KCTD16: variants seen among roughly 807,000 people sequenced by gnomAD.
KCTD16 encodes BTB/POZ domain-containing protein KCTD16.
KCTD16 carries 13 observed loss-of-function variants against 33.2 expected under a neutral mutation model. The ratio of observed to expected loss-of-function variants is 0.39; its 90% CI spans 0.25 to 0.62. The LOEUF is 0.62. Among genes scored for constraint, KCTD16 ranks in the 20% least tolerant of loss-of-function variants. The pLI is 0.50. For synonymous variants in KCTD16, 197 were observed against 195.3 expected (o/e 1.01, Z -0.07); for missense variants, 441 against 525.1 (o/e 0.84, Z 1.57).
chr5:144,346,018 T>A (rs1438248053), intron 3 of KCTD16, among the ~76,000 whole-genome samples: 1 of 151,530 alleles, frequency 6.6e-6, no homozygotes, highest in Non-Finnish European at 1.5e-5. Flanking sequence ...TTACCCTTCC[T>A]AGCCTCTGGA....
At chr5:144,181,864 C>T (rs1351741046) in intron 2 of KCTD16, among the ~76,000 whole-genome samples, 1 of 152,060 alleles carries the variant, frequency 6.6e-6, no homozygotes, top group Non-Finnish European at 1.5e-5. Flanking sequence ...GAGACTGAGG[C>T]AGGTGGATCA....
chr5:144,452,574 T>C (rs1049812754), intron 3 of KCTD16, among the ~76,000 whole-genome samples: 1 of 151,858 alleles, frequency 6.6e-6, no homozygotes, highest in African/African-American at 2.4e-5. Flanking sequence ...TTTAAAAATA[T>C]GGACGGGAAA....
intron 2 of KCTD16, among the ~76,000 whole-genome samples, chr5:144,191,822 ATT>A (rs5871869): frequency 0.07 from 10,270 of 147,478 alleles, 859 homozygotes; most frequent in African/African-American, 0.2. Flanking sequence ...GCGTATTTCC[ATT>A]TTTTTTTTTT....
At chr5:144,339,771 A>T (rs1267882923) in intron 3 of KCTD16, among the ~76,000 whole-genome samples, 1 of 151,916 alleles carries the variant, frequency 6.6e-6, no homozygotes, top group Admixed American at 6.6e-5. Context: ...TGTTGTATGA[A>T]TGTCTATATG....
Position 144,313,834 on chromosome 5 carries a change from G to C in KCTD16, c.832+106288G>C, listed in dbSNP as rs1580865606. ...GGTGTTATCAGTATTAACAATACTA[G>C]TATTAGTAGTAGTAATAGTACTTAT... On this transcript the variant is annotated intron_variant, in intron 3 of 3. Coordinates refer to ENST00000512467, the MANE Select transcript of KCTD16 (RefSeq NM_020768.4). Among the ~76,000 whole-genome samples the C allele has an allele frequency of 1.3e-5, 2 of 152,258 alleles. 1 individual carries two copies. The highest frequency in any genetic ancestry group is 1.3e-4 in the Admixed American group (2 of 15,276).
chr5:144,222,300 A>G (rs1580800155), intron 3 of KCTD16, among the ~76,000 whole-genome samples: 1 of 152,188 alleles, frequency 6.6e-6, no homozygotes. Flanking sequence ...TAATGGGCAA[A>G]TACATTTCTA....
chr5:144,402,521 C>G (rs1223042206), intron 3 of KCTD16, among the ~76,000 whole-genome samples: 2 of 152,104 alleles, frequency 1.3e-5, no homozygotes, highest in African/African-American at 4.8e-5. Flanking sequence ...GGTTCTGACT[C>G]CACTGCTTAC....
At chr5:144,327,792 A>G (rs778144536) in intron 3 of KCTD16, among the ~76,000 whole-genome samples, 4 of 152,298 alleles carry the variant, frequency 2.6e-5, no homozygotes, top group Middle Eastern at 3.4e-3. Context: ...CAGCTATCTA[A>G]TAATTCCATT....
chr5:144,345,722 T>C (rs1011260512), intron 3 of KCTD16, among the ~76,000 whole-genome samples: 1 of 152,046 alleles, frequency 6.6e-6, no homozygotes, highest in Non-Finnish European at 1.5e-5. Context: ...TTTATTTTTG[T>C]GGGTACATAG....
chr5:144,342,582 C>T (rs1374456495), intron 3 of KCTD16, among the ~76,000 whole-genome samples: 1 of 152,164 alleles, frequency 6.6e-6, no homozygotes, highest in Non-Finnish European at 1.5e-5. Flanking sequence ...CCTTCTCCTG[C>T]CTGATTGCCC....
chr5:144,184,047 C>G (rs1020039285), intron 2 of KCTD16, among the ~76,000 whole-genome samples: 1 of 152,060 alleles, frequency 6.6e-6, no homozygotes, highest in Admixed American at 6.5e-5. Flanking sequence ...TACTGTGATG[C>G]CTACAGAACT....
chr5:144,360,641 A>C (rs1356730456), intron 3 of KCTD16, among the ~76,000 whole-genome samples: 7 of 152,214 alleles, frequency 4.6e-5, no homozygotes, highest in Non-Finnish European at 7.4e-5. Flanking sequence ...CATATTGGCC[A>C]GGCTGCTCTC....
At chr5:144,411,924 A>G (rs903419725) in intron 3 of KCTD16, among the ~76,000 whole-genome samples, 1 of 152,202 alleles carries the variant, frequency 6.6e-6, no homozygotes, top group African/African-American at 2.4e-5. Flanking sequence ...TATATAAAAA[A>G]ATTGCCAAAT....
At chr5:144,287,965 G>T (rs1221200184) in intron 3 of KCTD16, among the ~76,000 whole-genome samples, 1 of 152,058 alleles carries the variant, frequency 6.6e-6, no homozygotes, top group Non-Finnish European at 1.5e-5. Flanking sequence ...CCTTTACAGT[G>T]ATTTACAAAC....
intron 3 of KCTD16, among the ~76,000 whole-genome samples, chr5:144,274,821 A>G (rs1755397881): frequency 6.6e-6 from 1 of 152,138 alleles, no homozygotes; most frequent in Non-Finnish European, 1.5e-5. Flanking sequence ...TATCAGTTCT[A>G]TCTTTAAGGC....
intron 3 of KCTD16, among the ~76,000 whole-genome samples, chr5:144,379,715 C>A (rs1193290613): frequency 6.6e-6 from 1 of 152,074 alleles, no homozygotes; most frequent in Non-Finnish European, 1.5e-5. Flanking sequence ...TGCAAACACA[C>A]CAAATAAGAT....
chr5:144,418,679 C>A (rs1164645284), intron 3 of KCTD16, among the ~76,000 whole-genome samples: 1 of 152,184 alleles, frequency 6.6e-6, no homozygotes, highest in Non-Finnish European at 1.5e-5. Flanking sequence ...CCAATCCTGG[C>A]AGAAACACAG....
chr5:144,176,435 G>T (rs6894198), intron 2 of KCTD16, among the ~76,000 whole-genome samples: 21,089 of 128,188 alleles, frequency 0.16, 1,764 homozygotes, highest in Admixed American at 0.3. Flanking sequence ...TCGCTCTGTC[G>T]CCCAGGCCGG....
intron 3 of KCTD16, among the ~76,000 whole-genome samples, chr5:144,445,087 ATATG>A (rs1258428815): frequency 1.3e-5 from 2 of 151,496 alleles, no homozygotes; most frequent in Non-Finnish European, 2.9e-5. Context: ...GACTCCTATT[ATATG>A]TATGTGAAAA....
Sources: allele counts gnomAD v4.1 joint callset (sites outside exome capture counted in the v4.1 genomes callset), GRCh38; gene constraint gnomAD v4.1.1; transcripts MANE v1.5; gene names NCBI Gene and HGNC (gene_info 2026-07-23, HGNC 2026-07-21).